KRT10: variants seen among roughly 807,000 people sequenced by gnomAD.
KRT10 encodes keratin 10, also known as keratin, type I cytoskeletal 10.
In KRT10, 40 loss-of-function variants were observed where a neutral mutation model predicts 59.2. The ratio of observed to expected loss-of-function variants is 0.68; its 90% CI spans 0.52 to 0.88. The LOEUF is 0.88. Among genes scored for constraint, KRT10 ranks in the 40% least tolerant of loss-of-function variants. KRT10 has a pLI of 0.00. For missense variants in KRT10, 719 were observed against 749.1 expected (o/e 0.96, Z 0.47); for synonymous variants, 336 against 310.7 (o/e 1.08, Z -0.86).
rs1463314669 is a variant in KRT10 at position 40,819,075 on chromosome 17, T to G, written c.1460A>C (p.His487Pro). The G allele has an allele frequency of 6.2e-5, 75 of 1,215,260 alleles. No individual in the cohort carries two copies. The Middle Eastern group carries it at 1.4e-3, about 22-fold the overall frequency. The allele number at this position is 1,215,260 out of a possible 1,614,324, so 75.3% of individuals were successfully genotyped here. A position where few individuals can be genotyped will look rare whatever the true frequency, so the allele number is the denominator to read the frequency against. ...SSGGGSSGGG[H>P]GGGHGGSSGG... ...GGAACTGCCGCCGTGGCCGCCGCCGTGGCCGCCGCCGGAGCTTCCGCCGCC... is the reference window on the plus strand; with the variant it reads ...GGAACTGCCGCCGTGGCCGCCGCCGGGGCCGCCGCCGGAGCTTCCGCCGCC... The change falls in exon 7 of 8, where the codon CAC (histidine) becomes CCC (proline). Residue 487 changes from histidine to proline, a missense_variant. By Grantham distance (77) the His-to-Pro change is moderately conservative. Transcript: ENST00000269576.
chr17:40,820,964 A>G, intron 2 of KRT10, 71 bp downstream of exon 2: 1 of 1,199,078 alleles, frequency 8.3e-7, no homozygotes, highest in Admixed American at 1.8e-5. Context: ...TATTGAGGGC[A>G]TCCCAAGTCA....
rs145403476 is a variant in KRT10 at position 40,822,456 on chromosome 17, C to G, written c.130G>C (p.Gly44Arg). 12 of 1,614,044 alleles carry G rather than the reference C, an allele frequency of 7.4e-6. No homozygotes were observed. The highest frequency in any genetic ancestry group is 1.0e-5 in the Non-Finnish European group (12 of 1,179,956). ...AACCCCCCTGAGCTAAATCCTCCACCAAGGGAGCCTTTGCTGCTAGAAATT... is the reference window on the plus strand; with the variant it reads ...AACCCCCCTGAGCTAAATCCTCCACGAAGGGAGCCTTTGCTGCTAGAAATT... Reference protein sequence around the residue: ...LRISSSKGSLGGGFSSGGFSG... With the variant: ...LRISSSKGSLRGGFSSGGFSG... Residue 44 changes from glycine to arginine, a missense_variant, in exon 1 of 8, where the codon GGT (glycine) becomes CGT (arginine). By Grantham distance (125) the Gly-to-Arg change is moderately radical. Transcript: ENST00000269576.
Position 40,822,283 on chromosome 17 carries a change from G to T in KRT10, c.303C>A (p.Ile101=). ...CACCTCCGAAACTGCCCCCTCCAAA[G>T]ATGCCTCCATAACTCCCACCAAAGC... The part of the protein sequence containing the change: ...SSSFGGSYGG[I]FGGGSFGGGS... The change falls in exon 1 of 8, where the codon ATC becomes ATA. Residue 101 remains isoleucine, a synonymous_variant. Transcript: ENST00000269576. The T allele has an allele frequency of 6.3e-7, 1 of 1,592,656 alleles. No homozygotes were observed. Among genetic ancestry groups the T allele is most frequent in the Non-Finnish European group, 8.6e-7 (1 of 1,167,978 alleles).
chr17:40,822,500 C>A lies in KRT10; in HGVS notation c.86G>T (p.Gly29Val). Residue 29 changes from glycine to valine, a missense_variant, in exon 1 of 8, where the codon GGA becomes GTA. By Grantham distance (109) the Gly-to-Val change is moderately radical. Coordinates refer to ENST00000269576, the MANE Select transcript of KRT10 (RefSeq NM_000421.5). ...GGGGGGCGGGGGVSSLRISSS... is the reference protein window; with the variant it reads ...GGGGGGCGGGVGVSSLRISSS... ...AGAAATTCTTAGGGATGACACTCCT[C>A]CTCCTCCTCCACATCCTCCTCCTCC... 6.2e-7 allele frequency: 1 copy of A among 1,612,860 alleles called. No homozygotes were observed. The highest frequency in any genetic ancestry group is 1.1e-5 in the South Asian group (1 of 91,064).
In KRT10 at chr17:40,819,061, C is replaced by T. The variant is rs1051996719; in HGVS notation, c.1474G>A (p.Gly492Ser). Reference protein sequence around the residue: ...SSGGGHGGGHGGSSGGGYGGG... With the variant: ...SSGGGHGGGHSGSSGGGYGGG... ...CCGTAGCCGCCGCCGGAACTGCCGCCGTGGCCGCCGCCGTGGCCGCCGCCG... is the reference window on the plus strand; with the variant it reads ...CCGTAGCCGCCGCCGGAACTGCCGCTGTGGCCGCCGCCGTGGCCGCCGCCG... Residue 492 changes from glycine (G) to serine (S), a missense_variant, in exon 7 of 8, where the codon GGC (glycine) becomes AGC (serine). By Grantham distance (56) the Gly-to-Ser change is moderately conservative (BLOSUM62 0). Coordinates refer to ENST00000269576, the MANE Select transcript of KRT10 (RefSeq NM_000421.5). The T allele has an allele frequency of 2.8e-6, 2 of 708,568 alleles. No individual in the cohort carries two copies. The highest frequency in any genetic ancestry group is 4.8e-5 in the Admixed American group (1 of 20,720). The allele number at this position is 708,568 out of a possible 1,614,324, so 43.9% of individuals were successfully genotyped here.
In KRT10 at chr17:40,819,587, G is replaced by T; in HGVS notation, c.1303C>A (p.Leu435Ile). ...TECQNTEYQQLLDIKIRLENE... is the reference protein window; with the variant it reads ...TECQNTEYQQILDIKIRLENE... ...TCCAGTCGGATCTTAATATCCAGGA[G>T]TTGTTGGTATTCAGTATTCTGGCAC... is the stretch of plus-strand genomic sequence containing the variant. Residue 435 changes from leucine (L) to isoleucine (I), a missense_variant, in exon 6 of 8, where the codon CTC becomes ATC. Physicochemically the swap from Leu to Ile is conservative, Grantham distance 5 (BLOSUM62 2). Around this residue, in one of 4 missense-constraint regions of KRT10, gnomAD observed 315 missense variants for 270.6 expected, o/e 1.16. Transcript: ENST00000269576. The T allele has an allele frequency of 6.2e-7, 1 of 1,614,220 alleles. No homozygotes were observed. The highest frequency in any genetic ancestry group is 1.1e-5 in the South Asian group (1 of 91,082).
chr17:40,818,526 T>G, intron 7 of KRT10, 44 bp from the exon 8 acceptor site: 1 of 1,332,378 alleles, frequency 7.5e-7, no homozygotes, highest in Non-Finnish European at 1.1e-6. Flanking sequence ...TCTGTAGGGA[T>G]CCTTAGTAAT....
At chr17:40,819,217 C>T (rs1432655013) in intron 6 of KRT10, 56 bp from the exon 7 acceptor site, 1 of 1,592,308 alleles carries the variant, frequency 6.3e-7, no homozygotes, top group Non-Finnish European at 8.5e-7. Flanking sequence ...CGGTGGGTAG[C>T]TTTCCAGTTG....
chr17:40,821,211 C>T lies in KRT10; in HGVS notation c.628-94G>A. ...GCACTCTGCACTTTTATGTTGTTCT[C>T]TTACAAAATCTTGGGAAAATTTTTT... On this transcript the variant is annotated intron_variant, in intron 1 of 7. Coordinates refer to ENST00000269576, the MANE Select transcript of KRT10 (RefSeq NM_000421.5). 1.1e-5 allele frequency: 10 copies of T among 917,894 alleles called. No individual in the cohort carries two copies. In the South Asian group the frequency reaches 1.4e-4, roughly 13 times the overall value. 56.9% of individuals were successfully genotyped at this position (917,894 alleles called of 1,614,324 possible). A position where few individuals can be genotyped will look rare whatever the true frequency, so the allele number is the denominator to read the frequency against.
At position 40,821,951 on chromosome 17, in the gene KRT10, C is replaced by A; in HGVS notation, c.627+8G>T. On this transcript the variant is annotated splice_region_variant and intron_variant, in intron 1 of 7. Coordinates refer to ENST00000269576, the MANE Select transcript of KRT10 (RefSeq NM_000421.5). ...ATACTTAAAGCTGGATTTAAAAATA[C>A]CTCTTACCTGATTTTTAAGGTCATC... 6.2e-7 allele frequency: 1 copy of A among 1,613,682 alleles called. No homozygotes were observed. The highest frequency in any genetic ancestry group is 1.1e-5 in the South Asian group (1 of 91,074).
In KRT10 at chr17:40,820,502, T is replaced by C. The variant is rs200062818; in HGVS notation, c.867+9A>G. 9.3e-6 allele frequency: 15 copies of C among 1,614,206 alleles called. No homozygotes were observed. In the East Asian group the frequency reaches 3.3e-4, roughly 36 times the overall value. The stretch of plus-strand genomic sequence containing the variant: ...CTTTTGGCTGGGAAAAGTATAACTT[T>C]TGTGTCACCTCCTCGTGGTTCTTCT... On this transcript the variant is annotated intron_variant, in intron 3 of 7. Coordinates refer to ENST00000269576, the MANE Select transcript of KRT10 (RefSeq NM_000421.5).
chr17:40,819,001 C>A lies in KRT10; in HGVS notation c.1534G>T (p.Gly512Cys). The change falls in exon 7 of 8, where the codon GGC becomes TGC. Residue 512 changes from glycine (G) to cysteine (C), a missense_variant. Physicochemically the swap from Gly to Cys is radical, Grantham distance 159. This residue lies in a region of KRT10 where 315 missense variants were observed against 270.6 expected (regional missense o/e 1.16). Coordinates refer to ENST00000269576, the MANE Select transcript of KRT10 (RefSeq NM_000421.5). The stretch of plus-strand genomic sequence containing the variant: ...CCGCTGGAGCTTCCGCCCCCGTAGC[C>A]GCCGCCGGAGCTTCCGCCGCCGGAG... The part of the protein sequence containing the change: ...GSSGGGSSGG[G>C]YGGGSSSGGH... 1 of 1,274,196 alleles carries A rather than the reference C, an allele frequency of 7.8e-7. No homozygotes were observed. The highest frequency in any genetic ancestry group is 1.0e-6 in the Non-Finnish European group (1 of 986,812). The allele number at this position is 1,274,196 out of a possible 1,614,324, so 78.9% of individuals were successfully genotyped here.
rs1341058820 is a variant in KRT10, at chr17:40,821,967, T to C, written c.619A>G (p.Lys207Glu). 6.2e-7 allele frequency: 1 copy of C among 1,614,094 alleles called. No individual in the cohort carries two copies. Among genetic ancestry groups the C allele is most frequent in the African/African-American group, 1.3e-5 (1 of 75,050 alleles). The change falls in exon 1 of 8, where the codon AAA becomes GAA. Residue 207 changes from lysine to glutamate, a missense_variant. By Grantham distance (56) the Lys-to-Glu change is moderately conservative. This residue lies in a region of KRT10 where 221 missense variants were observed against 277.8 expected (regional missense o/e 0.80). Transcript: ENST00000269576. ...TTAAAAATACCTCTTACCTGATTTTTAAGGTCATCGATGGTTTTGTAGTAT... is the reference window on the plus strand; with the variant it reads ...TTAAAAATACCTCTTACCTGATTTTCAAGGTCATCGATGGTTTTGTAGTAT... ...SKYYKTIDDL[K>E]NQILNLTTDN...
Position 40,819,728 on chromosome 17 carries a change from A to T in KRT10, c.1162T>A (p.Ser388Thr). The T allele has an allele frequency of 6.2e-7, 1 of 1,614,112 alleles. No homozygotes were observed. Residue 388 changes from serine (S) to threonine (T), a missense_variant, in exon 6 of 8, where the codon TCC becomes ACC. Coordinates refer to ENST00000269576, the MANE Select transcript of KRT10 (RefSeq NM_000421.5). ...GTTTCTGCCAAGGAGGCTTCCAGGG[A>T]TTGTTTCTGAAACGGATTTTTTTGT... Reference protein sequence around the residue: ...ELQSQLALKQSLEASLAETEG... With the variant: ...ELQSQLALKQTLEASLAETEG...
chr17:40,818,295 G>A lies in KRT10; in HGVS notation c.*181C>T, dbSNP rs201389981. ...ATTTCCATAGACCATCAAGACAGAA[G>A]TGTTTTCTTGGAGACTTTGTTTTCC... is the stretch of plus-strand genomic sequence containing the variant. On this transcript the variant is annotated 3_prime_UTR_variant, in exon 8 of 8. Coordinates refer to ENST00000269576, the MANE Select transcript of KRT10 (RefSeq NM_000421.5). 2,263 of 750,930 alleles carry A rather than the reference G, an allele frequency of 3.0e-3. 13 individuals are homozygous for A. The highest frequency in any genetic ancestry group is 3.0e-3 in the Non-Finnish European group (1,332 of 450,950). 46.5% of individuals were successfully genotyped at this position (750,930 alleles called of 1,614,324 possible). A position where few individuals can be genotyped will look rare whatever the true frequency, so the allele number is the denominator to read the frequency against.
rs1439898048 is a variant in KRT10, at chr17:40,820,395, G to A, written c.896C>T (p.Thr299Ile). The A allele has an allele frequency of 4.3e-6, 7 of 1,614,210 alleles. No individual in the cohort carries two copies. Among genetic ancestry groups the A allele is most frequent in the Non-Finnish European group, 5.9e-6 (7 of 1,180,040 alleles). Reference sequence around the variant, plus strand: ...ATTCATTTCCACATTCACATCACCAGTGGACACATTTCGAAGGTCTTTCAT... The same window carrying A: ...ATTCATTTCCACATTCACATCACCAATGGACACATTTCGAAGGTCTTTCAT... ...EEMKDLRNVS[T>I]GDVNVEMNAA... The change falls in exon 4 of 8, where the codon ACT (threonine) becomes ATT (isoleucine). Residue 299 changes from threonine to isoleucine, a missense_variant. Thr to Ile is a moderately conservative substitution (Grantham distance 89, BLOSUM62 -1). Transcript: ENST00000269576.
intron 6 of KRT10, 119 bp downstream of exon 6, chr17:40,819,398 C>T: frequency 3.9e-6 from 5 of 1,277,910 alleles, no homozygotes; most frequent in South Asian, 2.5e-5. Context: ...TTTTTCTGTA[C>T]TCTACCCTCT....
chr17:40,821,497 A>G (rs1454188740), intron 1 of KRT10, among the ~76,000 whole-genome samples: 2 of 152,218 alleles, frequency 1.3e-5, no homozygotes, highest in Non-Finnish European at 2.9e-5. Flanking sequence ...TACACTCTGA[A>G]CTGGTACACA....
chr17:40,818,254 C>T lies in KRT10; in HGVS notation c.*222G>A. The T allele has an allele frequency of 1.8e-6, 1 of 559,708 alleles. No homozygotes were observed. Among genetic ancestry groups the T allele is most frequent in the Non-Finnish European group, 3.1e-6 (1 of 317,988 alleles). The allele number at this position is 559,708 out of a possible 1,614,324, so 34.7% of individuals were successfully genotyped here. On this transcript the variant is annotated 3_prime_UTR_variant, in exon 8 of 8. Coordinates refer to ENST00000269576, the MANE Select transcript of KRT10 (RefSeq NM_000421.5). The stretch of plus-strand genomic sequence containing the variant: ...AAACCACAAAACACCTTGTAGACAC[C>T]TTATTTTCAAGGTCTATTTCCATAG...
Sources: allele counts gnomAD v4.1 joint callset (sites outside exome capture counted in the v4.1 genomes callset), GRCh38; gene constraint gnomAD v4.1.1; regional missense constraint gnomAD v4.1.1; transcripts MANE v1.5; gene names NCBI Gene and HGNC (gene_info 2026-07-23, HGNC 2026-07-21).